PNCK: variants seen among roughly 807,000 people sequenced by gnomAD.
PNCK encodes pregnancy up-regulated nonubiquitous CaM kinase.
In PNCK, 21 loss-of-function variants were observed where a neutral mutation model predicts 28.3. That is an observed-to-expected ratio of 0.74 (90% CI 0.53 to 1.07). PNCK has a LOEUF of 1.07. Ranked by LOEUF, PNCK falls within the 50% of genes least tolerant of loss-of-function variation. The pLI is 0.00. For synonymous variants in PNCK, 136 were observed against 125.2 expected, an observed-to-expected ratio of 1.09 and a Z score of -0.58; for missense variants, 250 against 298.3, an observed-to-expected ratio of 0.84 and a Z score of 1.19.
chrX:153,685,224 G>A (rs920354521), intron 1 of PNCK, among the ~76,000 whole-genome samples: 12 of 110,866 alleles, frequency 1.1e-4, no homozygotes, highest in Admixed American at 1.9e-4. Context: ...CCCCCGGGCC[G>A]AGCCTGACGC....
chrX:153,678,923 A>G (rs1379002261), upstream of PNCK, among the ~76,000 whole-genome samples: 5 of 107,721 alleles, frequency 4.6e-5, no homozygotes, highest in Non-Finnish European at 7.7e-5. Flanking sequence ...CAGGCTTTTT[A>G]CTATGCAATA....
chrX:153,673,923 G>A (rs2091346683), upstream of PNCK: 1 of 988,078 alleles, frequency 1.0e-6, no homozygotes, highest in Non-Finnish European at 1.3e-6. Flanking sequence ...CGGCGCCGCA[G>A]GGCACCTTGT....
intron 1 of PNCK, among the ~76,000 whole-genome samples, chrX:153,686,062 T>C (rs2091417779): frequency 8.9e-6 from 1 of 111,743 alleles, no homozygotes; most frequent in South Asian, 3.7e-4. Flanking sequence ...ACTCCGAGGG[T>C]CCATGGAGCA....
At chrX:153,678,748 T>TTCCCTGTGCTACAGAA (rs1291221103), upstream of PNCK, among the ~76,000 whole-genome samples, 2 of 111,483 alleles carry the variant, frequency 1.8e-5, no homozygotes, top group African/African-American at 6.5e-5. Context: ...ACAGAACAGT[T>TTCCCTGTGCTACAGAA]TCCCTGTGCT....
chrX:153,674,088 C>T, upstream of PNCK: 1 of 1,210,075 alleles, frequency 8.3e-7, no homozygotes, highest in African/African-American at 1.7e-5. Flanking sequence ...GGCCACAGGT[C>T]GGCAAGGCTC....
At chrX:153,673,507 C>T in intron 1 of PNCK, 1 of 406,727 alleles carries the variant, frequency 2.5e-6, no homozygotes, top group Non-Finnish European at 3.9e-6. Flanking sequence ...CCAAGCCGCC[C>T]GGGATGCACC....
At position 153,672,954 on chromosome X, in the gene PNCK, TACACACACACACAC is replaced by T. The variant is rs10542443; in HGVS notation, c.68+41_68+54del. ...ACACACACATGCCATCTCACACAGG[TACACACACACACAC>T]ACACACACACACACGATCACACACG... On this transcript the variant is annotated intron_variant, in intron 2 of 11. Transcript: ENST00000340888. 9.0e-4 allele frequency: 948 copies of T among 1,056,583 alleles called. 7 individuals are homozygous for T. The African/African-American group carries it at 0.016, about 18-fold the overall frequency. 87.1% of individuals were successfully genotyped at this position (1,056,583 alleles called of 1,213,427 possible).
chrX:153,675,536 T>C (rs1178495742), upstream of PNCK, among the ~76,000 whole-genome samples: 1 of 110,491 alleles, frequency 9.1e-6, no homozygotes, highest in Non-Finnish European at 1.9e-5. Flanking sequence ...TTTGTTATTG[T>C]TGTTGTTGTT....
rs782522340 is a variant in PNCK at position 153,670,804 on chromosome X, C to T, written c.834G>A (p.Arg278=). Residue 278 remains arginine, a synonymous_variant, in exon 10 of 12, where the codon AGG becomes AGA. Coordinates refer to ENST00000340888, the MANE Select transcript of PNCK (RefSeq NM_001366977.1). ...LWISGDTAFD[R]DILGSVSEQI... Reference sequence around the variant, plus strand: ...GCTCACTGACAGAGCCTAAGATGTCCCTGTCGAAGGCTGTGTCCCCAGAGA... The same window carrying T: ...GCTCACTGACAGAGCCTAAGATGTCTCTGTCGAAGGCTGTGTCCCCAGAGA... 111 of 1,209,996 alleles carry T rather than the reference C, an allele frequency of 9.2e-5. No individual in the cohort carries two copies. Among genetic ancestry groups the T allele is most frequent in the Non-Finnish European group, 1.2e-4 (108 of 894,735 alleles).
intron 8 of PNCK, 36 bp from the exon 9 acceptor site, chrX:153,671,032 C>T (rs1252033058): frequency 1.7e-6 from 2 of 1,210,342 alleles, no homozygotes; most frequent in Non-Finnish European, 2.2e-6. Flanking sequence ...TGTCAGGTCC[C>T]CACTCCCTTG....
intron 1 of PNCK, chrX:153,673,552 C>A: frequency 3.0e-6 from 1 of 338,119 alleles, no homozygotes; most frequent in Non-Finnish European, 4.7e-6. Flanking sequence ...GCCAAGACCG[C>A]GGCCACCCAC....
chrX:153,671,197 C>G lies in PNCK; in HGVS notation c.615-7G>C, dbSNP rs782142174. On this transcript the variant is annotated splice_polypyrimidine_tract_variant and splice_region_variant and intron_variant, in intron 7 of 11. Coordinates refer to ENST00000340888, the MANE Select transcript of PNCK (RefSeq NM_001366977.1). ...GGGGGGGTACCCACACAGCCTGGCACCCACAGATGAATCATCCAGCTGTCC... is the reference window on the plus strand; with the variant it reads ...GGGGGGGTACCCACACAGCCTGGCAGCCACAGATGAATCATCCAGCTGTCC... 1 of 1,210,067 alleles carries G rather than the reference C, an allele frequency of 8.3e-7. No homozygotes were observed. Among genetic ancestry groups the G allele is most frequent in the African/African-American group, 1.7e-5 (1 of 57,257 alleles).
In PNCK at chrX:153,671,955, G is replaced by C. The variant is rs1557040060; in HGVS notation, c.339C>G (p.Ala113=). The C allele has an allele frequency of 1.7e-6, 2 of 1,210,791 alleles. No individual in the cohort carries two copies. The highest frequency in any genetic ancestry group is 3.5e-5 in the South Asian group (2 of 56,897). The change falls in exon 5 of 12, where the codon GCC becomes GCG. Residue 113 remains alanine, a synonymous_variant. Coordinates refer to ENST00000340888, the MANE Select transcript of PNCK (RefSeq NM_001366977.1). The part of the protein sequence containing the change: ...MERGSYTEKD[A]SHLVGQVLGA... ...CAAGGACCTGACCCACCAGATGGCT[G>C]GCATCCTTCTCTGTGTAGGAGCCGC... is the stretch of plus-strand genomic sequence containing the variant.
At chrX:153,679,080 C>T (rs1480044507), upstream of PNCK, among the ~76,000 whole-genome samples, 1 of 111,359 alleles carries the variant, frequency 9.0e-6, no homozygotes. Context: ...TTGCCAATTA[C>T]GAATAAAGCT....
At chrX:153,679,192 A>G (rs782799184), upstream of PNCK, among the ~76,000 whole-genome samples, 5 of 111,545 alleles carry the variant, frequency 4.5e-5, no homozygotes, top group South Asian at 1.9e-3. Flanking sequence ...TTGGGTAAAT[A>G]CCAAGGAGTG....
chrX:153,671,310 C>T lies in PNCK; in HGVS notation c.589G>A (p.Ala197Thr). The T allele has an allele frequency of 8.3e-7, 1 of 1,210,659 alleles. No individual in the cohort carries two copies. Among genetic ancestry groups the T allele is most frequent in the Non-Finnish European group, 1.1e-6 (1 of 894,681 alleles). ...AGGATGTAGGAGATGACGCCCAGGG[C>T]CCACACATCTACGGCCTTCCCGTAG... ...KPYGKAVDVW[A>T]LGVISYILLC... Residue 197 changes from alanine to threonine, a missense_variant, in exon 7 of 12, where the codon GCC becomes ACC. Transcript: ENST00000340888.
chrX:153,671,685 G>A lies in PNCK; in HGVS notation c.415-13C>T. The A allele has an allele frequency of 8.5e-7, 1 of 1,180,057 alleles. No individual in the cohort carries two copies. The highest frequency in any genetic ancestry group is 1.1e-6 in the Non-Finnish European group (1 of 878,116). ...GGAGGTTTTCGGGCTGTGACACACG[G>A]ACACCGGGAAAAGGGCCAGTCAGTC... On this transcript the variant is annotated splice_polypyrimidine_tract_variant and intron_variant, in intron 5 of 11. Transcript: ENST00000340888.
chrX:153,676,203 T>C (rs1557041548), upstream of PNCK, among the ~76,000 whole-genome samples: 4 of 111,065 alleles, frequency 3.6e-5, no homozygotes, highest in African/African-American at 1.3e-4. Context: ...GTACATTCTA[T>C]GTCCTTGTAC....
chrX:153,672,533 A>C, intron 3 of PNCK, 33 bp downstream of exon 3: 1 of 1,194,220 alleles, frequency 8.4e-7, no homozygotes, highest in Non-Finnish European at 1.1e-6. Flanking sequence ...CCATCGACCT[A>C]TGCCCCGTCC....
Sources: allele counts gnomAD v4.1 joint callset (sites outside exome capture counted in the v4.1 genomes callset), GRCh38; gene constraint gnomAD v4.1.1; transcripts MANE v1.5; gene names NCBI Gene and HGNC (gene_info 2026-07-23, HGNC 2026-07-21).